Variants in CDH6 observed in about 807,000 individuals in gnomAD.
CDH6 encodes the protein cadherin-6.
CDH6 carries 31 observed loss-of-function variants against 78.0 expected under a neutral mutation model. That is an observed-to-expected ratio of 0.40 (90% CI 0.30 to 0.54). The LOEUF is 0.54. Among genes scored for constraint, CDH6 ranks in the 20% least tolerant of loss-of-function variants. The pLI is 0.56. For synonymous variants in CDH6, 376 were observed against 368.8 expected (o/e 1.02, Z -0.23); for missense variants, 724 against 975.9 (o/e 0.74, Z 3.44).
chr5:31,279,677 C>T (rs774708985), intron 2 of CDH6, among the ~76,000 whole-genome samples: 5 of 152,142 alleles, frequency 3.3e-5, no homozygotes, highest in Non-Finnish European at 7.4e-5. Context: ...TCTTCATCCT[C>T]ATAGCCTTCA....
Position 31,328,310 on chromosome 5 carries a change from T to C in CDH6, c.*5002T>C. ...ATTCCACGCTAATGAGATCTTGGTC[T>C]TTCTTGTGAGGCTACGTTATTTATG... On this transcript the variant is annotated 3_prime_UTR_variant, in exon 12 of 12. Transcript: ENST00000265071. 5.0e-6 allele frequency: 1 copy of C among 200,712 alleles called. No individual in the cohort carries two copies. 12.4% of individuals were successfully genotyped at this position (200,712 alleles called of 1,614,324 possible).
intron 2 of CDH6, among the ~76,000 whole-genome samples, chr5:31,274,093 C>T (rs1742616363): frequency 6.6e-6 from 1 of 152,130 alleles, no homozygotes; most frequent in South Asian, 2.1e-4. Flanking sequence ...TATGAGTTAG[C>T]ACATTTAAGA....
chr5:31,227,262 A>C (rs1487065412), intron 1 of CDH6, among the ~76,000 whole-genome samples: 2 of 152,012 alleles, frequency 1.3e-5, no homozygotes, highest in Non-Finnish European at 2.9e-5. Context: ...ACATTCTCCC[A>C]AACCCTCCTC....
intron 1 of CDH6, among the ~76,000 whole-genome samples, chr5:31,219,617 A>T (rs1740956420): frequency 6.6e-6 from 1 of 152,094 alleles, no homozygotes; most frequent in Non-Finnish European, 1.5e-5. Context: ...CATTTCCTGC[A>T]TGGAGTTTCT....
chr5:31,269,221 C>T (rs1411610173), intron 2 of CDH6, among the ~76,000 whole-genome samples: 1 of 149,582 alleles, frequency 6.7e-6, no homozygotes, highest in Non-Finnish European at 1.5e-5. Flanking sequence ...CAGTTTTCCT[C>T]TCCAATTGTG....
At chr5:31,321,610 T>C (rs1738480089) in intron 11 of CDH6, among the ~76,000 whole-genome samples, 1 of 152,176 alleles carries the variant, frequency 6.6e-6, no homozygotes, top group Non-Finnish European at 1.5e-5. Context: ...CCAATTATTA[T>C]TATTAATACT....
intron 2 of CDH6, among the ~76,000 whole-genome samples, chr5:31,284,441 G>C (rs941979418): frequency 5.9e-5 from 9 of 152,226 alleles, no homozygotes; most frequent in African/African-American, 1.9e-4. Context: ...CAGTGGCAAG[G>C]TTTGGGTAAA....
chr5:31,316,112 G>T, intron 8 of CDH6, 96 bp from the exon 9 acceptor site: 2 of 1,328,472 alleles, frequency 1.5e-6, no homozygotes, highest in African/African-American at 1.5e-5. Context: ...GGGAATCTGT[G>T]CATGAATGAG....
chr5:31,303,177 C>T (rs1406081857), intron 6 of CDH6, among the ~76,000 whole-genome samples: 1 of 152,074 alleles, frequency 6.6e-6, no homozygotes, highest in African/African-American at 2.4e-5. Context: ...ATAAACAGTG[C>T]CAGACATTGC....
chr5:31,228,075 T>G (rs1295914983), intron 1 of CDH6, among the ~76,000 whole-genome samples: 1 of 152,142 alleles, frequency 6.6e-6, no homozygotes, highest in Non-Finnish European at 1.5e-5. Context: ...AGAGGTCACC[T>G]GTTTTCTTGG....
chr5:31,196,234 A>C (rs1399426725), intron 1 of CDH6, among the ~76,000 whole-genome samples: 1 of 152,224 alleles, frequency 6.6e-6, no homozygotes, highest in East Asian at 1.9e-4. Flanking sequence ...ACCTTGCAAA[A>C]TACTGCTCGA....
In CDH6 at chr5:31,325,515, G is replaced by A. The variant is rs1042239784; in HGVS notation, c.*2207G>A. On this transcript the variant is annotated 3_prime_UTR_variant, in exon 12 of 12. Coordinates refer to ENST00000265071, the MANE Select transcript of CDH6 (RefSeq NM_004932.4). ...CACGATTTACTGTAAAATTAAAGAG[G>A]TCTCTATCTGTATGTTTCATGTCAC... 4.3e-6 allele frequency: 1 copy of A among 230,694 alleles called. No homozygotes were observed. Among genetic ancestry groups the A allele is most frequent in the African/African-American group, 2.2e-5 (1 of 45,198 alleles). 14.3% of individuals were successfully genotyped at this position (230,694 alleles called of 1,614,324 possible).
chr5:31,295,927 T>C (rs1346586549), intron 3 of CDH6, among the ~76,000 whole-genome samples: 1 of 152,316 alleles, frequency 6.6e-6, no homozygotes, highest in East Asian at 1.9e-4. Context: ...AGCAATCAAA[T>C]TTTGTGTTAA....
Position 31,193,793 on chromosome 5 carries a change from G to T in CDH6, c.-222G>T, listed in dbSNP as rs1005712769. 6.5e-6 allele frequency: 1 copy of T among 154,160 alleles called. No homozygotes were observed. Among genetic ancestry groups the T allele is most frequent in the South Asian group, 1.8e-4 (1 of 5,584 alleles). 9.5% of individuals were successfully genotyped at this position (154,160 alleles called of 1,614,324 possible). A position where few individuals can be genotyped will look rare whatever the true frequency, so the allele number is the denominator to read the frequency against. ...CAGTTTCAGCCGCGACAGCAAGAACGGCAGAGCCGGCGACCGCGGCGGCGG... is the reference window on the plus strand; with the variant it reads ...CAGTTTCAGCCGCGACAGCAAGAACTGCAGAGCCGGCGACCGCGGCGGCGG... On this transcript the variant is annotated 5_prime_UTR_variant, in exon 1 of 12. Coordinates refer to ENST00000265071, the MANE Select transcript of CDH6 (RefSeq NM_004932.4).
At chr5:31,247,271 C>G (rs558443753) in intron 1 of CDH6, among the ~76,000 whole-genome samples, 236 of 152,286 alleles carry the variant, frequency 1.5e-3, no homozygotes, top group Non-Finnish European at 2.9e-3. Flanking sequence ...CATTTGTTCT[C>G]CACATTAATA....
chr5:31,219,885 C>T (rs1375647210), intron 1 of CDH6, among the ~76,000 whole-genome samples: 6 of 152,204 alleles, frequency 3.9e-5, no homozygotes, highest in African/African-American at 1.4e-4. Context: ...GGTCAATCTC[C>T]ATTCACAGTT....
rs1294915815 is a variant in CDH6 at position 31,267,482 on chromosome 5, T to C, written c.9T>C (p.Thr3=). ...TCGACGGTGCCATCAGCATGAGAAC[T>C]TACCGCTACTTCTTGCTGCTCTTTT... MR[T]YRYFLLLFWV... Residue 3 remains threonine, a synonymous_variant, in exon 2 of 12, where the codon ACT becomes ACC. Coordinates refer to ENST00000265071, the MANE Select transcript of CDH6 (RefSeq NM_004932.4). The C allele has an allele frequency of 6.2e-7, 1 of 1,613,940 alleles. No homozygotes were observed. The highest frequency in any genetic ancestry group is 1.7e-5 in the Admixed American group (1 of 60,012).
chr5:31,284,491 G>A (rs552733707), intron 2 of CDH6, among the ~76,000 whole-genome samples: 3 of 152,342 alleles, frequency 2.0e-5, no homozygotes, highest in East Asian at 3.9e-4. Context: ...GCCCTGGGGC[G>A]ATCACGTGGT....
At chr5:31,309,157 G>A (rs994744097) in intron 7 of CDH6, among the ~76,000 whole-genome samples, 2 of 151,996 alleles carry the variant, frequency 1.3e-5, no homozygotes, top group Non-Finnish European at 2.9e-5. Context: ...ATAAGTTTAT[G>A]TACATTGAAA....
Sources: gnomAD v4.1 joint callset for allele counts (sites outside exome capture counted in the v4.1 genomes callset) on GRCh38, gnomAD v4.1.1 for gene constraint, MANE v1.5 for transcripts, NCBI Gene and HGNC (gene_info 2026-07-23, HGNC 2026-07-21) for gene names.